Variants in MRTFB observed in about 807,000 individuals in gnomAD.
MRTFB encodes the protein myocardin related transcription factor B.
In MRTFB, 29 loss-of-function variants were observed where a neutral mutation model predicts 104.2. The observed-to-expected ratio is 0.28, with a 90% CI of 0.21 to 0.38. The LOEUF is 0.38. Ranked by LOEUF, MRTFB falls within the 10% of genes least tolerant of loss-of-function variation. The pLI, the probability that MRTFB is intolerant of heterozygous loss-of-function variation, is 1.00. For missense variants in MRTFB, 1,270 were observed against 1,341.6 expected, an observed-to-expected ratio of 0.95 and a Z score of 0.83; for synonymous variants, 535 against 519.5, an observed-to-expected ratio of 1.03 and a Z score of -0.41.
the MRTFB span, chr16:14,020,201 T>A: frequency 6.6e-6 from 1 of 152,200 alleles, no homozygotes; most frequent in Admixed American, 6.6e-5. Flanking sequence ...ACAAATCCCA[T>A]CTGGGTCAAA....
intron 2 of MRTFB, among the ~76,000 whole-genome samples, chr16:14,091,567 A>C (rs1050057655): frequency 6.6e-6 from 1 of 152,226 alleles, no homozygotes; most frequent in South Asian, 2.1e-4. Flanking sequence ...GAAGCTCTCT[A>C]TCACCATCAC....
At chr16:14,228,012 A>G (rs2042088667) in intron 8 of MRTFB, among the ~76,000 whole-genome samples, 1 of 152,202 alleles carries the variant, frequency 6.6e-6, no homozygotes, top group East Asian at 1.9e-4. Flanking sequence ...AGGATATGCA[A>G]TTGGCCAATA....
chr16:14,132,754 G>A (rs1228259531), intron 2 of MRTFB, among the ~76,000 whole-genome samples: 1 of 152,106 alleles, frequency 6.6e-6, no homozygotes, highest in Admixed American at 6.5e-5. Flanking sequence ...TTAGCCATCC[G>A]CCTCTTGACC....
intron 2 of MRTFB, among the ~76,000 whole-genome samples, chr16:14,127,900 AATATATAT>A (rs1194977108): frequency 1.4e-4 from 7 of 49,546 alleles, no homozygotes; most frequent in African/African-American, 4.1e-4. Flanking sequence ...AGCAAAACTG[AATATATAT>A]ATATATATAT....
At chr16:14,197,541 GTTAAT>G (rs2040494312) in intron 3 of MRTFB, among the ~76,000 whole-genome samples, 2 of 152,096 alleles carry the variant, frequency 1.3e-5, no homozygotes, top group African/African-American at 4.8e-5. Context: ...AAATTATTTT[GTTAAT>G]TTATTCTTAA....
chr16:14,085,118 G>GA (rs201868498), intron 2 of MRTFB, among the ~76,000 whole-genome samples: 327 of 151,790 alleles, frequency 2.2e-3, no homozygotes, highest in African/African-American at 7.2e-3. Context: ...ATCTCTTAAA[G>GA]AAAAAAAAGC....
intron 3 of MRTFB, chr16:14,200,045 CTTGT>C: frequency 2.1e-6 from 1 of 469,686 alleles, no homozygotes; most frequent in Non-Finnish European, 3.8e-6. Context: ...ACTATCTTAC[CTTGT>C]AAGCTGGACT....
rs771330944 is a variant in MRTFB at position 14,245,538 on chromosome 16, G to A, written c.1090G>A (p.Asp364Asn). ...ILPAPFKPLN[D>N]KNSNSGNSAL... ...TGTTTTCTTTTGAAGGCCACTCAAT[G>A]ACAAAAATAGTAACAGTGGGAATTC... Residue 364 changes from aspartate to asparagine, a missense_variant, in exon 11 of 17, where the codon GAC (aspartate) becomes AAC (asparagine). Physicochemically the swap from Asp to Asn is conservative, Grantham distance 23 (BLOSUM62 1). Coordinates refer to ENST00000571589, the MANE Select transcript of MRTFB (RefSeq NM_001308142.2). 1 of 1,608,954 alleles carries A rather than the reference G, an allele frequency of 6.2e-7. No homozygotes were observed. The highest frequency in any genetic ancestry group is 8.5e-7 in the Non-Finnish European group (1 of 1,178,606).
intron 3 of MRTFB, chr16:14,144,254 T>C (rs575260680): frequency 6.6e-6 from 1 of 152,344 alleles, no homozygotes; most frequent in South Asian, 2.1e-4. Context: ...ACTATGAGAT[T>C]GTTCCCTCTT....
intron 9 of MRTFB, among the ~76,000 whole-genome samples, chr16:14,235,451 C>T (rs555601279): frequency 2.6e-5 from 4 of 152,300 alleles, no homozygotes; most frequent in South Asian, 2.1e-4. Context: ...CCTTCCCTGC[C>T]GATCCTCAAA....
At chr16:14,245,793 A>T (rs2042986076) in intron 11 of MRTFB, 133 bp downstream of exon 11, 4 of 1,046,956 alleles carry the variant, frequency 3.8e-6, no homozygotes, top group Non-Finnish European at 5.4e-6. Context: ...TAATCTTTAT[A>T]AAAGGTATTT....
chr16:14,225,451 A>G (rs1010015004), intron 8 of MRTFB, among the ~76,000 whole-genome samples: 4 of 152,164 alleles, frequency 2.6e-5, no homozygotes, highest in Non-Finnish European at 4.4e-5. Flanking sequence ...TAATTCTAAG[A>G]TGTTATTTGT....
chr16:14,033,835 CAAAAAAAAAAA>C, the MRTFB span, among the ~76,000 whole-genome samples: 1 of 90,498 alleles, frequency 1.1e-5, no homozygotes, highest in Non-Finnish European at 2.2e-5. Flanking sequence ...GACTCAGTCT[CAAAAAAAAAAA>C]AAAAAAAAGA....
rs2037963265 is a variant in MRTFB at position 14,140,853 on chromosome 16, A to C, written c.154+93A>C. On this transcript the variant is annotated intron_variant, in intron 3 of 16. Coordinates refer to ENST00000571589, the MANE Select transcript of MRTFB (RefSeq NM_001308142.2). ...CCTGTTTGGTAGTAATATTTTGGTC[A>C]GTTCAGCAGTCTGTCATGGAGGAGA... 2.1e-6 allele frequency: 3 copies of C among 1,455,752 alleles called. No homozygotes were observed. The Admixed American group carries it at 5.3e-5, about 26-fold the overall frequency. The allele number at this position is 1,455,752 out of a possible 1,614,324, so 90.2% of individuals were successfully genotyped here. A position where few individuals can be genotyped will look rare whatever the true frequency, so the allele number is the denominator to read the frequency against.
chr16:14,171,100 A>G (rs2039407233), intron 3 of MRTFB, among the ~76,000 whole-genome samples: 1 of 152,162 alleles, frequency 6.6e-6, no homozygotes, highest in African/African-American at 2.4e-5. Context: ...TCATTCTCTG[A>G]GCATTTGTTT....
At chr16:14,171,500 A>G (rs1031195048) in intron 3 of MRTFB, among the ~76,000 whole-genome samples, 1 of 115,984 alleles carries the variant, frequency 8.6e-6, no homozygotes, top group East Asian at 2.0e-4. Context: ...CTCTGTCTCG[A>G]AAAAAAAAAA....
At chr16:14,187,047 T>A in intron 3 of MRTFB, 1 of 1,588,864 alleles carries the variant, frequency 6.3e-7, no homozygotes, top group Non-Finnish European at 8.5e-7. Flanking sequence ...TCAGTCTGTC[T>A]GTGGACAGGG....
the MRTFB span, among the ~76,000 whole-genome samples, chr16:14,055,475 A>G: frequency 6.6e-6 from 1 of 152,200 alleles, no homozygotes; most frequent in African/African-American, 2.4e-5. Flanking sequence ...CCCACATTAC[A>G]TTTAGCCATC....
intron 2 of MRTFB, among the ~76,000 whole-genome samples, chr16:14,125,656 G>A (rs1446658197): frequency 6.6e-6 from 1 of 152,002 alleles, no homozygotes. Flanking sequence ...TTTCTTTTTG[G>A]AATAACTTGT....
Sources: allele counts gnomAD v4.1 joint callset (sites outside exome capture counted in the v4.1 genomes callset), GRCh38; gene constraint gnomAD v4.1.1; transcripts MANE v1.5; gene names NCBI Gene and HGNC (gene_info 2026-07-23, HGNC 2026-07-21).